The following CYP2C18 variants were observed in gnomAD, a reference collection of about 807,000 sequenced individuals.
CYP2C18 encodes the protein cytochrome P450 family 2 subfamily C member 18, also known as cytochrome P450 2C18.
Under a neutral mutation model 41.3 loss-of-function variants are expected in CYP2C18, and 38 were observed. The ratio of observed to expected loss-of-function variants is 0.92; its 90% confidence interval spans 0.71 to 1.21. The LOEUF is 1.21. Ranked by LOEUF, CYP2C18 falls within the 50% of genes most tolerant of loss-of-function variation. CYP2C18 has a pLI of 0.00. For missense variants in CYP2C18, 635 were observed against 591.4 expected, an observed-to-expected ratio of 1.07 and a Z score of -0.77; for synonymous variants, 236 against 210.0, an observed-to-expected ratio of 1.12 and a Z score of -1.07.
chr10:94,701,255 A>T (rs570377322), intron 4 of CYP2C18, among the ~76,000 whole-genome samples: 2 of 152,168 alleles, frequency 1.3e-5, no homozygotes, highest in Non-Finnish European at 1.5e-5. Flanking sequence ...TTAAGAAAAT[A>T]TGGCACATAT....
intron 7 of CYP2C18, among the ~76,000 whole-genome samples, 194 bp downstream of exon 7, chr10:94,724,727 A>G (rs1434142627): frequency 6.6e-6 from 1 of 151,884 alleles, no homozygotes; most frequent in Non-Finnish European, 1.5e-5. Flanking sequence ...CTAGCAGTGT[A>G]TGTCTTCCAA....
chr10:94,714,802 A>G (rs1322110705), intron 5 of CYP2C18, among the ~76,000 whole-genome samples: 1 of 152,174 alleles, frequency 6.6e-6, no homozygotes, highest in Non-Finnish European at 1.5e-5. Context: ...GTTTCTTCCT[A>G]TCCGTAAGCA....
At position 94,724,467 on chromosome 10, in the gene CYP2C18, C is replaced by G. The variant is rs1327159452; in HGVS notation, c.1083C>G (p.Leu361=). The change falls in exon 7 of 9, where the codon CTC becomes CTG. Residue 361 remains leucine (L), a synonymous_variant. Coordinates refer to ENST00000285979, the MANE Select transcript of CYP2C18 (RefSeq NM_000772.3). ...ACGAGATCCAGAGATACATTGACCT[C>G]CTCCCCACCAACCTGCCCCATGCAG... ...VVHEIQRYID[L]LPTNLPHAVT... is the part of the protein sequence containing the mutation. 6.2e-7 allele frequency: 1 copy of G among 1,613,594 alleles called. No individual in the cohort carries two copies. The highest frequency in any genetic ancestry group is 8.5e-7 in the Non-Finnish European group (1 of 1,179,734).
rs747328371 is a variant in CYP2C18 at position 94,706,881 on chromosome 10, G to A, written c.740G>A (p.Arg247Lys). ...FAYIKSYVLE[R>K]IKEHQESLDM... is the part of the protein sequence containing the mutation. Reference sequence around the variant, plus strand: ...TACATTAAAAGTTATGTATTGGAGAGAATAAAAGAACATCAAGAATCCCTG... The same window carrying A: ...TACATTAAAAGTTATGTATTGGAGAAAATAAAAGAACATCAAGAATCCCTG... The change falls in exon 5 of 9, where the codon AGA (arginine) becomes AAA (lysine). Residue 247 changes from arginine to lysine, a missense_variant. Transcript: ENST00000285979. The A allele has an allele frequency of 6.2e-6, 10 of 1,612,506 alleles. No individual in the cohort carries two copies. In the South Asian group the frequency reaches 8.8e-5, roughly 14 times the overall value.
intron 4 of CYP2C18, among the ~76,000 whole-genome samples, chr10:94,703,184 G>A (rs2134188129): frequency 6.6e-6 from 1 of 152,312 alleles, no homozygotes; most frequent in East Asian, 1.9e-4. Flanking sequence ...CGTGCTGGGA[G>A]GTGTCTCCCT....
chr10:94,706,618 A>T (rs1226958640), intron 4 of CYP2C18, among the ~76,000 whole-genome samples, 166 bp from the exon 5 acceptor site: 2 of 152,210 alleles, frequency 1.3e-5, no homozygotes, highest in African/African-American at 2.4e-5. Flanking sequence ...TCTAACTTAA[A>T]TCTTTCTATC....
chr10:94,713,926 A>G (rs1274434324), intron 5 of CYP2C18, among the ~76,000 whole-genome samples: 5 of 152,160 alleles, frequency 3.3e-5, no homozygotes, highest in Non-Finnish European at 7.4e-5. Flanking sequence ...TTCTCTGATG[A>G]CCAGTGATGA....
chr10:94,706,958 C>T lies in CYP2C18; in HGVS notation c.817C>T (p.Gln273Ter). ...TGATTGTTTCCTGATCAAAATGGAA[C>T]AGGTAAAATGTTATTTGTTTGCCTG... ...FIDCFLIKME[Q>*]EKHNQQSEFT... Residue 273 changes from glutamine (Q) to a stop codon, truncating the protein, a stop_gained and splice_region_variant, in exon 5 of 9, where the codon CAG becomes TAG. Coordinates refer to ENST00000285979, the MANE Select transcript of CYP2C18 (RefSeq NM_000772.3). LOFTEE classifies it high-confidence loss of function. The T allele has an allele frequency of 1.9e-6, 3 of 1,605,608 alleles. No individual in the cohort carries two copies. Among genetic ancestry groups the T allele is most frequent in the Non-Finnish European group, 2.5e-6 (3 of 1,177,372 alleles).
At chr10:94,712,616 A>G (rs766192700) in intron 5 of CYP2C18, among the ~76,000 whole-genome samples, 13 of 152,112 alleles carry the variant, frequency 8.5e-5, no homozygotes, top group Non-Finnish European at 1.5e-4. Flanking sequence ...CTGATTCTAT[A>G]TATTAGCTAT....
At chr10:94,711,770 T>C (rs1453418570) in intron 5 of CYP2C18, among the ~76,000 whole-genome samples, 2 of 152,072 alleles carry the variant, frequency 1.3e-5, no homozygotes, top group African/African-American at 4.8e-5. Context: ...TTATACTGTA[T>C]TTTTTAGGGA....
chr10:94,692,877 T>G (rs1034879214), intron 3 of CYP2C18, among the ~76,000 whole-genome samples: 1 of 152,116 alleles, frequency 6.6e-6, no homozygotes, highest in South Asian at 2.1e-4. Flanking sequence ...TGTAAGGACA[T>G]GAATGAAGCT....
intron 7 of CYP2C18, among the ~76,000 whole-genome samples, chr10:94,727,862 G>A (rs1847769972): frequency 6.6e-6 from 1 of 151,962 alleles, no homozygotes; most frequent in Non-Finnish European, 1.5e-5. Context: ...ATCTACCTAT[G>A]TAATCTAATC....
intron 8 of CYP2C18, chr10:94,733,710 C>T: frequency 2.0e-6 from 1 of 492,634 alleles, no homozygotes; most frequent in Non-Finnish European, 2.6e-6. Flanking sequence ...CACTGAGCTA[C>T]CCAAGAGCTC....
chr10:94,714,694 GT>G (rs1401739178), intron 5 of CYP2C18, among the ~76,000 whole-genome samples: 1 of 152,156 alleles, frequency 6.6e-6, no homozygotes, highest in Non-Finnish European at 1.5e-5. Flanking sequence ...CTTTAAAGTA[GT>G]TTTTTCCAAT....
At chr10:94,729,235 G>T (rs1041356868) in intron 7 of CYP2C18, among the ~76,000 whole-genome samples, 1 of 152,090 alleles carries the variant, frequency 6.6e-6, no homozygotes. Context: ...TGCTCAATAA[G>T]AATTTTAAGT....
In CYP2C18 at chr10:94,713,149, G is replaced by A. The variant is rs192949520; in HGVS notation, c.819+6189G>A. Among the ~76,000 whole-genome samples the A allele has an allele frequency of 3.1e-3, 469 of 151,192 alleles. 3 individuals are homozygous for A. The highest frequency in any genetic ancestry group is 0.011 in the African/African-American group (446 of 41,306). The stretch of plus-strand genomic sequence containing the variant: ...TAAAAGAAGTATAGAAATTTAATAT[G>A]TTTTTCTTCCAATGTTATTTTTTCT... On this transcript the variant is annotated intron_variant, in intron 5 of 8. Coordinates refer to ENST00000285979, the MANE Select transcript of CYP2C18 (RefSeq NM_000772.3).
At chr10:94,701,026 G>A (rs1439699871) in intron 4 of CYP2C18, among the ~76,000 whole-genome samples, 1 of 152,214 alleles carries the variant, frequency 6.6e-6, no homozygotes. Context: ...TGGTGGGACT[G>A]TAAACTAGTT....
intron 6 of CYP2C18, among the ~76,000 whole-genome samples, chr10:94,723,886 T>C (rs1161747128): frequency 6.6e-6 from 1 of 152,140 alleles, no homozygotes; most frequent in Non-Finnish European, 1.5e-5. Flanking sequence ...AGTGTGAGGA[T>C]GAGAGAGAAT....
chr10:94,686,907 A>G (rs1846898703), intron 1 of CYP2C18, among the ~76,000 whole-genome samples: 1 of 152,206 alleles, frequency 6.6e-6, no homozygotes, highest in Admixed American at 6.5e-5. Flanking sequence ...GATTTTGAGA[A>G]GTCAGTCACT....
Sources: allele counts gnomAD v4.1 joint callset (sites outside exome capture counted in the v4.1 genomes callset), GRCh38; gene constraint gnomAD v4.1.1; transcripts MANE v1.5; gene names NCBI Gene and HGNC (gene_info 2026-07-23, HGNC 2026-07-21).